Variants in PCDH11X observed in about 807,000 individuals in gnomAD.
The protein encoded by PCDH11X is protocadherin-11 X-linked.
PCDH11X carries 18 observed loss-of-function variants against 53.3 expected under a neutral mutation model. The observed-to-expected ratio is 0.34, with a 90% CI of 0.23 to 0.50. PCDH11X has a LOEUF of 0.50. PCDH11X is among the 20% of genes least tolerant of loss of function. The pLI is 0.98. For synonymous variants in PCDH11X, 279 were observed against 393.3 expected (o/e 0.71, Z 3.44); for missense variants, 570 against 1,032.4 (o/e 0.55, Z 6.14).
intron 10 of PCDH11X, among the ~76,000 whole-genome samples, chrX:92,507,414 G>A (rs2074083213): frequency 9.0e-6 from 1 of 110,773 alleles, no homozygotes; most frequent in Non-Finnish European, 1.9e-5. Flanking sequence ...CAGAGATTCT[G>A]GTATATTGTA....
At chrX:91,810,837 A>G (rs1369757399) in intron 3 of PCDH11X, among the ~76,000 whole-genome samples, 2 of 111,612 alleles carry the variant, frequency 1.8e-5, no homozygotes, top group African/African-American at 6.5e-5. Flanking sequence ...TATAAATAAA[A>G]CTTTGAATCT....
At chrX:91,922,249 A>G in intron 6 of PCDH11X, among the ~76,000 whole-genome samples, 1 of 111,912 alleles carries the variant, frequency 8.9e-6, no homozygotes, top group East Asian at 2.8e-4. Flanking sequence ...TCACTTAGGT[A>G]ATATTTTAAA....
At chrX:92,111,257 G>A (rs2064504338) in intron 6 of PCDH11X, among the ~76,000 whole-genome samples, 1 of 63,801 alleles carries the variant, frequency 1.6e-5, no homozygotes, top group Admixed American at 2.8e-4. Context: ...AAAAATCAGC[G>A]TCAACTACTT....
intron 10 of PCDH11X, among the ~76,000 whole-genome samples, chrX:92,528,290 TTTTA>T (rs1243123292): frequency 1.8e-5 from 2 of 112,172 alleles, no homozygotes. Flanking sequence ...GTTGTTTTAT[TTTTA>T]TTTATTTATT....
chrX:92,260,948 G>T (rs1284249715), intron 7 of PCDH11X, among the ~76,000 whole-genome samples: 1 of 111,055 alleles, frequency 9.0e-6, no homozygotes, highest in African/African-American at 3.3e-5. Flanking sequence ...ATTTAATTTG[G>T]GCAAATATTT....
At chrX:92,378,901 T>C (rs2070809521) in intron 8 of PCDH11X, among the ~76,000 whole-genome samples, 1 of 113,344 alleles carries the variant, frequency 8.8e-6, no homozygotes, top group Non-Finnish European at 1.9e-5. Context: ...ATTCACTCTA[T>C]GGTAGACCAT....
chrX:92,090,945 A>G (rs6652291), intron 6 of PCDH11X, among the ~76,000 whole-genome samples: 2,616 of 112,093 alleles, frequency 0.023, 73 homozygotes, highest in African/African-American at 0.081. Flanking sequence ...TCTTCCATCA[A>G]CTGGAGCAGT....
chrX:91,859,246 T>C (rs1287558713), intron 5 of PCDH11X, among the ~76,000 whole-genome samples: 1 of 110,918 alleles, frequency 9.0e-6, no homozygotes, highest in Non-Finnish European at 1.9e-5. Context: ...TTCCATATGT[T>C]TTCTGGTCGC....
At chrX:92,060,992 T>C (rs1402528087) in intron 6 of PCDH11X, among the ~76,000 whole-genome samples, 46 of 112,222 alleles carry the variant, frequency 4.1e-4, no homozygotes, top group Non-Finnish European at 7.9e-4. Flanking sequence ...CCAGCATTTA[T>C]TATTTTTTGA....
At chrX:91,821,297 A>T (rs1602290042) in intron 4 of PCDH11X, among the ~76,000 whole-genome samples, 1 of 108,959 alleles carries the variant, frequency 9.2e-6, no homozygotes, top group African/African-American at 3.4e-5. Context: ...GATTCTTCCT[A>T]CCCATGAGCA....
chrX:92,515,590 T>C lies in PCDH11X; in HGVS notation c.3367+47268T>C, dbSNP rs142341488. 9.4e-3 allele frequency: 1,150 copies of C among 121,964 alleles called. 14 individuals are homozygous for C. The highest frequency in any genetic ancestry group is 0.035 in the African/African-American group (1,089 of 31,217). 10.1% of individuals were successfully genotyped at this position (121,964 alleles called of 1,213,427 possible). On this transcript the variant is annotated intron_variant, in intron 10 of 10. Transcript: ENST00000682573. ...GGTTACCTATTTACCGCTAACGCAT[T>C]ACCAGTCGTCCAACTGCTGAAGATA...
At chrX:92,048,796 C>T (rs1471787282) in intron 6 of PCDH11X, among the ~76,000 whole-genome samples, 1 of 111,690 alleles carries the variant, frequency 9.0e-6, no homozygotes, top group Non-Finnish European at 1.9e-5. Context: ...TGACACAGCC[C>T]TCAGGAGGTC....
chrX:92,241,990 G>A (rs1000271523), intron 7 of PCDH11X, among the ~76,000 whole-genome samples: 2 of 109,494 alleles, frequency 1.8e-5, no homozygotes, highest in Non-Finnish European at 1.9e-5. Context: ...GAACATACTC[G>A]GGAGGCTGAG....
chrX:92,595,042 G>A (rs1044795551), intron 10 of PCDH11X, among the ~76,000 whole-genome samples: 4 of 110,603 alleles, frequency 3.6e-5, no homozygotes, highest in African/African-American at 6.6e-5. Flanking sequence ...GCATAAGTTC[G>A]ATAAGAATCT....
chrX:92,269,733 C>T (rs945063027), intron 8 of PCDH11X, among the ~76,000 whole-genome samples: 13 of 111,004 alleles, frequency 1.2e-4, no homozygotes, highest in Non-Finnish European at 1.7e-4. Flanking sequence ...ATAAAAAGGC[C>T]TCCCCTTAAG....
chrX:91,924,978 T>C (rs1941892011), intron 6 of PCDH11X, among the ~76,000 whole-genome samples: 1 of 109,557 alleles, frequency 9.1e-6, no homozygotes, highest in Non-Finnish European at 1.9e-5. Flanking sequence ...CATATGGCAG[T>C]CTCATCTTCA....
intron 6 of PCDH11X, among the ~76,000 whole-genome samples, chrX:92,135,722 C>G (rs2148206396): frequency 9.4e-6 from 1 of 106,340 alleles, no homozygotes; most frequent in Non-Finnish European, 1.9e-5. Context: ...GACTTTAGTC[C>G]TGTGATCATT....
intron 6 of PCDH11X, among the ~76,000 whole-genome samples, chrX:92,163,407 C>T (rs1346176031): frequency 9.1e-6 from 1 of 109,893 alleles, no homozygotes; most frequent in Non-Finnish European, 1.9e-5. Flanking sequence ...GTTTCCTTCT[C>T]CCTGTGGTCT....
chrX:92,092,763 C>T lies in PCDH11X; in HGVS notation c.3034-108612C>T, dbSNP rs191390423. Reference sequence around the variant, plus strand: ...AGTTCCCAGCTTGACATTTCCCTTTCGCTTAGTGATTTCAGGGTTCCAGGA... The same window carrying T: ...AGTTCCCAGCTTGACATTTCCCTTTTGCTTAGTGATTTCAGGGTTCCAGGA... On this transcript the variant is annotated intron_variant, in intron 6 of 10. Transcript: ENST00000682573. Among the ~76,000 whole-genome samples the T allele has an allele frequency of 6.3e-5, 7 of 111,734 alleles. No individual in the cohort carries two copies. The East Asian group carries it at 1.4e-3, about 23-fold the overall frequency.
Sources: gnomAD v4.1 joint callset for allele counts (sites outside exome capture counted in the v4.1 genomes callset) on GRCh38, gnomAD v4.1.1 for gene constraint, MANE v1.5 for transcripts, NCBI Gene and HGNC (gene_info 2026-07-23, HGNC 2026-07-21) for gene names.